The following SOX6 variants were observed in gnomAD, a reference collection of about 807,000 sequenced individuals.
SOX6 encodes the protein transcription factor SOX-6.
Under a neutral mutation model 97.8 loss-of-function variants are expected in SOX6, and 11 were observed. The observed-to-expected ratio is 0.11, with a 90% CI of 0.07 to 0.19. SOX6 has a LOEUF of 0.19. Ranked by LOEUF, SOX6 falls within the 10% of genes least tolerant of loss-of-function variation. The pLI, the probability that SOX6 is intolerant of heterozygous loss-of-function variation, is 1.00. For missense variants in SOX6, 810 were observed against 1,039.5 expected, an observed-to-expected ratio of 0.78 and a Z score of 3.04; for synonymous variants, 360 against 371.4, an observed-to-expected ratio of 0.97 and a Z score of 0.35.
chr11:16,036,500 A>T (rs1199821663), intron 12 of SOX6, among the ~76,000 whole-genome samples: 1 of 152,212 alleles, frequency 6.6e-6, no homozygotes, highest in Non-Finnish European at 1.5e-5. Context: ...CATATTTCAT[A>T]TCTCTAAAGG....
In SOX6 at chr11:16,055,732, A is replaced by AT; in HGVS notation, c.1251+19dup. 1 of 1,613,494 alleles carries AT rather than the reference A, an allele frequency of 6.2e-7. No individual in the cohort carries two copies. The highest frequency in any genetic ancestry group is 8.5e-7 in the Non-Finnish European group (1 of 1,179,654). On this transcript the variant is annotated intron_variant, in intron 10 of 15. Transcript: ENST00000683767. ...AACTTTTTTCTAAACTGTTTCCACA[A>AT]TGCTGCAAGGCGAGTGTACCTTAAC...
At chr11:16,596,903 G>A (rs540302564) in intron 4 of SOX6, among the ~76,000 whole-genome samples, 6 of 152,134 alleles carry the variant, frequency 3.9e-5, no homozygotes, top group Admixed American at 1.3e-4. Flanking sequence ...ATTGGTGTAC[G>A]GGAAATGCAG....
chr11:16,615,925 A>G (rs1848466314), intron 3 of SOX6, among the ~76,000 whole-genome samples: 1 of 152,198 alleles, frequency 6.6e-6, no homozygotes, highest in African/African-American at 2.4e-5. Flanking sequence ...TATGATTATC[A>G]CAATAAAACA....
At chr11:16,096,467 G>A (rs1330448083) in intron 8 of SOX6, among the ~76,000 whole-genome samples, 1 of 151,690 alleles carries the variant, frequency 6.6e-6, no homozygotes, top group Admixed American at 6.6e-5. Context: ...GAGAGGTGAG[G>A]TTGCTGCTCT....
chr11:16,085,841 T>C (rs971820059), intron 9 of SOX6, among the ~76,000 whole-genome samples: 2 of 152,190 alleles, frequency 1.3e-5, no homozygotes, highest in African/African-American at 4.8e-5. Flanking sequence ...CATTTCCACA[T>C]CCATTGTGCT....
upstream of SOX6, among the ~76,000 whole-genome samples, chr11:16,478,458 T>G (rs969655818): frequency 6.6e-6 from 1 of 152,210 alleles, no homozygotes. Context: ...ATTCCAGACA[T>G]TTAGAACAAA....
chr11:16,642,103 TG>T (rs1287409339), intron 3 of SOX6, among the ~76,000 whole-genome samples: 14 of 152,184 alleles, frequency 9.2e-5, no homozygotes, highest in African/African-American at 3.4e-4. Context: ...GCAGGCCTGG[TG>T]GTGACAAAAT....
chr11:16,405,133 T>C (rs915953031), intron 1 of SOX6, among the ~76,000 whole-genome samples: 12 of 152,002 alleles, frequency 7.9e-5, no homozygotes, highest in Non-Finnish European at 1.6e-4. Flanking sequence ...GGTCGCATTA[T>C]GAGGTTTTTA....
intron 1 of SOX6, among the ~76,000 whole-genome samples, chr11:16,396,406 A>C (rs940310209): frequency 2.0e-5 from 3 of 151,738 alleles, no homozygotes; most frequent in African/African-American, 7.2e-5. Flanking sequence ...AAATACACAC[A>C]CACAAACACA....
intron 1 of SOX6, among the ~76,000 whole-genome samples, chr11:16,354,215 G>T (rs1857020297): frequency 2.6e-5 from 4 of 151,998 alleles, no homozygotes; most frequent in African/African-American, 2.4e-5. Flanking sequence ...TTGTTGTGAA[G>T]AGATTAATTT....
At chr11:16,436,761 A>G (rs1420610168) in intron 1 of SOX6, among the ~76,000 whole-genome samples, 1 of 152,196 alleles carries the variant, frequency 6.6e-6, no homozygotes, top group African/African-American at 2.4e-5. Flanking sequence ...CTCTTGCATA[A>G]GAATTTTTCG....
intron 1 of SOX6, among the ~76,000 whole-genome samples, chr11:16,376,932 GA>G (rs1420208915): frequency 1.3e-5 from 2 of 149,628 alleles, no homozygotes; most frequent in African/African-American, 4.9e-5. Context: ...AGAAGAGAAG[GA>G]AAAAGAAAAT....
chr11:16,245,153 A>G (rs1004687808), intron 3 of SOX6, among the ~76,000 whole-genome samples: 1 of 151,750 alleles, frequency 6.6e-6, no homozygotes, highest in Admixed American at 6.6e-5. Flanking sequence ...CATTTAGTTT[A>G]AAATACTTTA....
chr11:16,558,996 C>G (rs1019173941), intron 4 of SOX6, among the ~76,000 whole-genome samples: 3 of 151,812 alleles, frequency 2.0e-5, no homozygotes, highest in South Asian at 2.1e-4. Flanking sequence ...CACAAACAAC[C>G]CTTTTTAGAA....
chr11:16,515,719 T>G (rs1860960609), intron 4 of SOX6, among the ~76,000 whole-genome samples: 2 of 127,644 alleles, frequency 1.6e-5, no homozygotes, highest in South Asian at 6.1e-4. Flanking sequence ...TGAATTGATT[T>G]TTGTATAAGG....
At chr11:15,994,963 T>C (rs1250972551) in intron 13 of SOX6, among the ~76,000 whole-genome samples, 7 of 152,198 alleles carry the variant, frequency 4.6e-5, no homozygotes, top group Non-Finnish European at 1.0e-4. Flanking sequence ...AAATTCTGTT[T>C]TCATAGTTTT....
chr11:16,049,678 ATCAG>A, intron 11 of SOX6, 73 bp downstream of exon 11: 1 of 1,532,424 alleles, frequency 6.5e-7, no homozygotes, highest in Non-Finnish European at 8.9e-7. Context: ...GGAAACAAGT[ATCAG>A]TCGTAACTAA....
chr11:16,560,027 A>T (rs1203362227), intron 4 of SOX6, among the ~76,000 whole-genome samples: 1 of 152,210 alleles, frequency 6.6e-6, no homozygotes, highest in Non-Finnish European at 1.5e-5. Context: ...CATAGTTAGC[A>T]CATTTTGATG....
At chr11:16,631,793 C>CT (rs1433160147) in intron 3 of SOX6, among the ~76,000 whole-genome samples, 2 of 151,652 alleles carry the variant, frequency 1.3e-5, no homozygotes, top group African/African-American at 4.8e-5. Context: ...AATTCTTTTT[C>CT]TTTATTTTTG....
Sources: gnomAD v4.1 joint callset for allele counts (sites outside exome capture counted in the v4.1 genomes callset) on GRCh38, gnomAD v4.1.1 for gene constraint, MANE v1.5 for transcripts, NCBI Gene and HGNC (gene_info 2026-07-23, HGNC 2026-07-21) for gene names.